The following PI4K2A variants were observed in gnomAD, a reference collection of about 807,000 sequenced individuals.
PI4K2A encodes the protein phosphatidylinositol 4-kinase type 2 alpha, also known as phosphatidylinositol 4-kinase type 2-alpha.
PI4K2A carries 20 observed loss-of-function variants against 55.0 expected under a neutral mutation model. The observed-to-expected ratio is 0.36, with a 90% CI of 0.26 to 0.53. PI4K2A has a LOEUF of 0.53. Ranked by LOEUF, PI4K2A falls within the 20% of genes least tolerant of loss-of-function variation. The pLI is 0.91. For synonymous variants in PI4K2A, 235 were observed against 258.5 expected (o/e 0.91, Z 0.87); for missense variants, 463 against 637.1 (o/e 0.73, Z 2.94).
exon 2 of PI4K2A, chr10:97,650,986 C>T: frequency 6.2e-7 from 1 of 1,613,860 alleles, no homozygotes; most frequent in South Asian, 1.1e-5. Context: ...GCCCTATGGG[C>T]ATCTTAATCC....
At chr10:97,642,880 T>TTCCTTCCTTCCTTCCTTC (rs2041483254) in intron 1 of PI4K2A, among the ~76,000 whole-genome samples, 1 of 116,148 alleles carries the variant, frequency 8.6e-6, no homozygotes. Context: ...TTTCTTTCTT[T>TTCCTTCCTTCCTTCCTTC]CTTTCTTCCT....
At chr10:97,658,958 A>G (rs34791237) in intron 4 of PI4K2A, among the ~76,000 whole-genome samples, 3,507 of 152,212 alleles carry the variant, frequency 0.023, 63 homozygotes, top group Non-Finnish European at 0.035. Flanking sequence ...ACATTTGTTT[A>G]AAGTTCTCTG....
At position 97,656,279 on chromosome 10, in the gene PI4K2A, CT is replaced by C. The variant is rs1173143823; in HGVS notation, c.637-5del. Reference sequence around the variant, plus strand: ...TAACCTTAGTATCTCTTCTCTTTCACTGTAGGTAGTATACCTGGCCAGTGAG... The same window carrying C: ...TAACCTTAGTATCTCTTCTCTTTCACGTAGGTAGTATACCTGGCCAGTGAG... On this transcript the variant is annotated splice_region_variant and splice_polypyrimidine_tract_variant and intron_variant, in intron 2 of 8. Transcript: ENST00000370631. The surrounding 1 kb of genome is among the most constrained non-coding windows in gnomAD (Gnocchi z 4.5). 5 of 1,612,148 alleles carry C rather than the reference CT, an allele frequency of 3.1e-6. No homozygotes were observed. The highest frequency in any genetic ancestry group is 4.2e-6 in the Non-Finnish European group (5 of 1,178,358).
chr10:97,657,899 G>C (rs759897722), intron 4 of PI4K2A, among the ~76,000 whole-genome samples: 1 of 123,946 alleles, frequency 8.1e-6, no homozygotes, highest in African/African-American at 2.8e-5. Context: ...GCAATGGTGC[G>C]ATCTCAGCTC....
chr10:97,666,588 T>C lies in PI4K2A; in HGVS notation c.1218+17T>C. 1 of 1,597,488 alleles carries C rather than the reference T, an allele frequency of 6.3e-7. No individual in the cohort carries two copies. Among genetic ancestry groups the C allele is most frequent in the Non-Finnish European group, 8.5e-7 (1 of 1,174,084 alleles). On this transcript the variant is annotated intron_variant, in intron 7 of 8. Transcript: ENST00000370631. ...CTCTTCAAGGTTAGCCCTGGGAACC[T>C]CAGCCCTATTATCATATGGGAGAAG...
chr10:97,666,421 A>G lies in PI4K2A; in HGVS notation c.1085-17A>G, dbSNP rs753290479. 6.2e-7 allele frequency: 1 copy of G among 1,609,878 alleles called. No individual in the cohort carries two copies. The highest frequency in any genetic ancestry group is 8.5e-7 in the Non-Finnish European group (1 of 1,178,424). ...TTTTCCAACACCAGCTTTGCCTTTG[A>G]CTTTTCCTCTTTTCAGATCCTTTTT... On this transcript the variant is annotated splice_polypyrimidine_tract_variant and intron_variant, in intron 6 of 8. Coordinates refer to ENST00000370631, the Ensembl canonical transcript of PI4K2A.
chr10:97,644,305 C>G (rs558425895), intron 1 of PI4K2A, among the ~76,000 whole-genome samples: 2 of 151,964 alleles, frequency 1.3e-5, no homozygotes, highest in East Asian at 1.9e-4. Flanking sequence ...GAGCCGAGAT[C>G]GTACCACTGC....
At position 97,640,693 on chromosome 10, in the gene PI4K2A, G is replaced by A. The variant is rs372884511; in HGVS notation, c.-50G>A. ...GATGTCACGGATTGGTCGCGGCCGC[G>A]AGCGCAGTGGTGTGGAGCGCGCCGG... On this transcript the variant is annotated 5_prime_UTR_variant, in exon 1 of 9. Coordinates refer to ENST00000370631, the Ensembl canonical transcript of PI4K2A. 19 of 1,325,750 alleles carry A rather than the reference G, an allele frequency of 1.4e-5. No homozygotes were observed. The African/African-American group carries it at 2.4e-4, about 17-fold the overall frequency. 82.1% of individuals were successfully genotyped at this position (1,325,750 alleles called of 1,614,324 possible). A position where few individuals can be genotyped will look rare whatever the true frequency, so the allele number is the denominator to read the frequency against.
intron 1 of PI4K2A, 26 bp from the exon 2 acceptor site, chr10:97,650,915 A>C (rs758981845): frequency 2.0e-5 from 31 of 1,573,644 alleles, no homozygotes; most frequent in Non-Finnish European, 2.5e-5. Flanking sequence ...CGGATTTAAC[A>C]TCCTCTTTTT....
At chr10:97,661,998 C>T (rs938508141) in intron 4 of PI4K2A, among the ~76,000 whole-genome samples, 11 of 151,884 alleles carry the variant, frequency 7.2e-5, no homozygotes, top group African/African-American at 2.4e-4. Flanking sequence ...ACTATAGGCA[C>T]GTACCACCAC....
chr10:97,642,958 T>C (rs913738816), intron 1 of PI4K2A, among the ~76,000 whole-genome samples: 1 of 148,804 alleles, frequency 6.7e-6, no homozygotes, highest in Non-Finnish European at 1.5e-5. Context: ...CTTTCTTTCT[T>C]TTTCTTTCTT....
intron 1 of PI4K2A, among the ~76,000 whole-genome samples, chr10:97,648,504 T>G (rs2041515930): frequency 6.6e-6 from 1 of 152,238 alleles, no homozygotes; most frequent in African/African-American, 2.4e-5. Flanking sequence ...TGAGCCACCA[T>G]GCCCAACTTT....
intron 2 of PI4K2A, among the ~76,000 whole-genome samples, chr10:97,654,193 G>T (rs1446929218): frequency 6.6e-6 from 1 of 152,170 alleles, no homozygotes; most frequent in Non-Finnish European, 1.5e-5. Context: ...ATTAGTCATG[G>T]GGAAAAAGTG....
rs2041513792 is a variant in PI4K2A at position 97,648,073 on chromosome 10, A to G, written c.436-2868A>G. ...GCCGAGTAGCTGGGACTACAGGTGCATACCACCACACTTAGCTAATTTTTT... is the reference window on the plus strand; with the variant it reads ...GCCGAGTAGCTGGGACTACAGGTGCGTACCACCACACTTAGCTAATTTTTT... On this transcript the variant is annotated intron_variant, in intron 1 of 8. Transcript: ENST00000370631. Among the ~76,000 whole-genome samples, 5 of 149,600 alleles carry G rather than the reference A, an allele frequency of 3.3e-5. No individual in the cohort carries two copies. In the South Asian group the frequency reaches 8.5e-4, roughly 25 times the overall value.
rs1564772365 is a variant in PI4K2A at position 97,642,884 on chromosome 10, T to TCTTTCTTTCTTTCTTTCTTC, written c.435+1710_435+1711insTCTTTCTTTCTTTCTTCCTT. 7.8e-4 allele frequency among the ~76,000 whole-genome samples: 76 copies of TCTTTCTTTCTTTCTTTCTTC among 96,870 alleles called. 6 individuals carry two copies. The highest frequency in any genetic ancestry group is 1.3e-3 in the Non-Finnish European group (61 of 46,682). 63.6% of individuals were successfully genotyped at this position (96,870 alleles called of 152,430 possible). ...CTTTCTTTTTCTTTCTTTCTTTCTT[T>TCTTTCTTTCTTTCTTTCTTC]CTTCCTTCCTTCCTTCCTTCCTTCC... On this transcript the variant is annotated intron_variant, in intron 1 of 8. Coordinates refer to ENST00000370631, the Ensembl canonical transcript of PI4K2A.
In PI4K2A at chr10:97,673,712, G is replaced by C. The variant is rs2041647539; in HGVS notation, c.1410G>C (p.Gln470His). The stretch of plus-strand genomic sequence containing the variant: ...GCGAGTCCTACACACAGAGCTTTCA[G>C]AGCCGGAAGCCCTTCTTTTCATGGT... The change falls in exon 9 of 9, where the codon CAG becomes CAC. Residue 470 changes from glutamine (Q) to histidine (H), a missense_variant. Coordinates refer to ENST00000370631, the Ensembl canonical transcript of PI4K2A. 1 of 1,614,038 alleles carries C rather than the reference G, an allele frequency of 6.2e-7. No individual in the cohort carries two copies. Among genetic ancestry groups the C allele is most frequent in the Admixed American group, 1.7e-5 (1 of 59,994 alleles).
At chr10:97,664,486 G>A (rs140358702) in intron 5 of PI4K2A, among the ~76,000 whole-genome samples, 21 of 152,310 alleles carry the variant, frequency 1.4e-4, no homozygotes, top group African/African-American at 5.1e-4. Flanking sequence ...AGTAACATCT[G>A]AGTCAAGGTC....
chr10:97,640,829 G>T (rs1255962631), exon 1 of PI4K2A: 9 of 1,433,252 alleles, frequency 6.3e-6, no homozygotes, highest in Non-Finnish European at 7.3e-6. Flanking sequence ...CTCACTTTCC[G>T]CAGGTGCCCG....
intron 1 of PI4K2A, among the ~76,000 whole-genome samples, chr10:97,647,434 G>T (rs1310300003): frequency 1.4e-4 from 21 of 152,132 alleles, no homozygotes; most frequent in Non-Finnish European, 1.3e-4. Context: ...AATTTGAGTG[G>T]TTTTAGAGTT....
Sources: gnomAD v4.1 joint callset for allele counts (sites outside exome capture counted in the v4.1 genomes callset) on GRCh38, gnomAD v4.1.1 for gene constraint, Gnocchi (gnomAD v3.1) non-coding constraint, MANE v1.5 for transcripts, NCBI Gene and HGNC (gene_info 2026-07-23, HGNC 2026-07-21) for gene names.